Variants in KLKB1 observed in about 807,000 individuals in gnomAD.
KLKB1 encodes kallikrein B1.
A neutral mutation model predicts 73.6 loss-of-function variants in KLKB1; 58 were observed. The ratio of observed to expected loss-of-function variants is 0.79; its 90% confidence interval spans 0.64 to 0.98. The LOEUF (loss-of-function observed/expected upper bound fraction) is 0.98. Among genes scored for constraint, KLKB1 ranks in the 50% least tolerant of loss-of-function variants. The pLI, the probability that KLKB1 is intolerant of heterozygous loss-of-function variation, is 0.00. For missense variants in KLKB1, 737 were observed against 763.8 expected (o/e 0.96, Z 0.41); for synonymous variants, 280 against 258.1 (o/e 1.08, Z -0.81).
chr4:186,236,091 G>A (rs1179043417), intron 4 of KLKB1, among the ~76,000 whole-genome samples: 12 of 85,166 alleles, frequency 1.4e-4, no homozygotes, highest in Non-Finnish European at 2.5e-4. Flanking sequence ...TCCAGCCTGG[G>A]CGACAGAGCG....
At chr4:186,235,245 T>C (rs1286181937) in intron 4 of KLKB1, among the ~76,000 whole-genome samples, 1 of 152,250 alleles carries the variant, frequency 6.6e-6, no homozygotes, top group African/African-American at 2.4e-5. Context: ...TTGTATCTTG[T>C]AGCAAAATTT....
intron 6 of KLKB1, 21 bp downstream of exon 6, chr4:186,238,386 C>CT: frequency 6.6e-7 from 1 of 1,517,686 alleles, no homozygotes; most frequent in Non-Finnish European, 9.2e-7. Context: ...GACTACTTCA[C>CT]TTTGTGATTG....
intron 6 of KLKB1, among the ~76,000 whole-genome samples, chr4:186,247,205 C>T (rs373342384): frequency 1.3e-5 from 2 of 152,216 alleles, no homozygotes; most frequent in Admixed American, 1.3e-4. Context: ...TGATCTGAGT[C>T]ACAGCACCAA....
intron 2 of KLKB1, among the ~76,000 whole-genome samples, chr4:186,215,357 T>C (rs932189366): frequency 7.2e-6 from 1 of 138,890 alleles, no homozygotes; most frequent in Non-Finnish European, 1.5e-5. Flanking sequence ...TCCTTCTTTC[T>C]TTCCTTCCTT....
intron 6 of KLKB1, among the ~76,000 whole-genome samples, chr4:186,242,394 T>A (rs1481032175): frequency 1.3e-5 from 2 of 152,004 alleles, no homozygotes; most frequent in Admixed American, 1.3e-4. Context: ...CGAAAGTTTT[T>A]GGGGGTGGTA....
chr4:186,258,018 C>G lies in KLKB1; in HGVS notation c.1726-3C>G. On this transcript the variant is annotated splice_polypyrimidine_tract_variant and splice_region_variant and intron_variant, in intron 14 of 14. Transcript: ENST00000264690. ...ACTATTTTATTTTTCCACTGTGACT[C>G]AGGGAGATTCAGGTGGTCCCTTAGT... 1.2e-6 allele frequency: 2 copies of G among 1,613,646 alleles called. No individual in the cohort carries two copies. The highest frequency in any genetic ancestry group is 1.7e-6 in the Non-Finnish European group (2 of 1,179,572).
chr4:186,257,914 G>C (rs567444435), intron 14 of KLKB1, 107 bp from the exon 15 acceptor site: 119 of 858,212 alleles, frequency 1.4e-4, no homozygotes, highest in Non-Finnish European at 1.9e-4. Context: ...GAAAGTATCT[G>C]TGTGTGTGTG....
chr4:186,233,982 A>G lies in KLKB1; in HGVS notation c.252A>G (p.Thr84=). ...GTTGCTTCTTGAAAGATAGTGTTAC[A>G]GGAACCCTGCCAAAAGTACATCGAA... ...RFGCFLKDSV[T]GTLPKVHRTG... Residue 84 remains threonine, a synonymous_variant, in exon 4 of 15, where the codon ACA becomes ACG. Coordinates refer to ENST00000264690, the MANE Select transcript of KLKB1 (RefSeq NM_000892.5). The G allele has an allele frequency of 6.2e-7, 1 of 1,614,034 alleles. No homozygotes were observed. Among genetic ancestry groups the G allele is most frequent in the Non-Finnish European group, 8.5e-7 (1 of 1,179,900 alleles).
chr4:186,222,035 A>T (rs1344364829), upstream of KLKB1, among the ~76,000 whole-genome samples: 1 of 152,204 alleles, frequency 6.6e-6, no homozygotes, highest in Non-Finnish European at 1.5e-5. Context: ...CTCTTGTGAC[A>T]GTATTTGACT....
intron 5 of KLKB1, 81 bp downstream of exon 5, chr4:186,237,021 C>A: frequency 6.8e-7 from 1 of 1,461,752 alleles, no homozygotes; most frequent in South Asian, 1.2e-5. Flanking sequence ...CTTTTGTTCC[C>A]AAACTAAAAA....
intron 2 of KLKB1, among the ~76,000 whole-genome samples, chr4:186,217,683 A>C (rs949650193): frequency 1.6e-4 from 24 of 152,188 alleles, no homozygotes; most frequent in African/African-American, 5.3e-4. Context: ...AAGGAGAATC[A>C]GTTGTTTTGT....
At chr4:186,244,911 C>T (rs1738248666) in intron 6 of KLKB1, among the ~76,000 whole-genome samples, 1 of 151,898 alleles carries the variant, frequency 6.6e-6, no homozygotes, top group African/African-American at 2.4e-5. Context: ...GTAAGGGGTG[C>T]ACGATAGGTT....
rs564937496 is a variant in KLKB1, at chr4:186,245,811, T to G, written c.599-4432T>G. Among the ~76,000 whole-genome samples, 239 of 114,062 alleles carry G rather than the reference T, an allele frequency of 2.1e-3. 5 individuals carry two copies. Among genetic ancestry groups the G allele is most frequent in the African/African-American group, 7.1e-3 (230 of 32,514 alleles). 74.8% of individuals were successfully genotyped at this position (114,062 alleles called of 152,430 possible). Reference sequence around the variant, plus strand: ...GAATCTAATTTTTGGAGTTTTTTTTTGTTTGTTTTTTGGTTTTTTTTTTTT... The same window carrying G: ...GAATCTAATTTTTGGAGTTTTTTTTGGTTTGTTTTTTGGTTTTTTTTTTTT... On this transcript the variant is annotated intron_variant, in intron 6 of 14. Transcript: ENST00000264690.
Position 186,236,907 on chromosome 4 carries a change from AT to A in KLKB1, c.456del (p.Tyr152Ter), listed in dbSNP as rs772598982. On this transcript the variant is annotated frameshift_variant, in exon 5 of 15. Transcript: ENST00000264690. LOFTEE classifies it high-confidence loss of function. ...AACATTCGCTGCCAGTTTTTTTCAT[AT>A]GCCACGCAAACATTTCACAAGGCAG... Reference protein sequence around the residue: ...TSNIRCQFFSYATQTFHKAEY... With the variant: ...TSNIRCQFFSXATQTFHKAEY... 6 of 1,614,126 alleles carry A rather than the reference AT, an allele frequency of 3.7e-6. 1 individual carries two copies. The South Asian group carries it at 5.5e-5, about 15-fold the overall frequency.
At chr4:186,229,647 C>T (rs774306538) in intron 2 of KLKB1, among the ~76,000 whole-genome samples, 1 of 152,158 alleles carries the variant, frequency 6.6e-6, no homozygotes, top group Non-Finnish European at 1.5e-5. Flanking sequence ...AGAAAGTTTA[C>T]TCCATAGTTG....
intron 11 of KLKB1, among the ~76,000 whole-genome samples, chr4:186,254,023 A>G (rs4253313): frequency 0.68 from 103,654 of 151,910 alleles, 35,605 homozygotes; most frequent in East Asian, 0.86. Flanking sequence ...AGTAGAGACG[A>G]GGTTTCATCA....
chr4:186,217,744 G>A (rs1736939151), intron 2 of KLKB1, among the ~76,000 whole-genome samples: 1 of 152,124 alleles, frequency 6.6e-6, no homozygotes, highest in African/African-American at 2.4e-5. Flanking sequence ...TTGCAAGGAG[G>A]TGTATTTCAG....
chr4:186,256,266 GA>G (rs1310558133), intron 13 of KLKB1, among the ~76,000 whole-genome samples, 179 bp downstream of exon 13: 5 of 151,856 alleles, frequency 3.3e-5, no homozygotes, highest in South Asian at 2.1e-4. Flanking sequence ...GCTTTGGCTT[GA>G]AAAAAAATTT....
At chr4:186,217,178 C>T (rs117968831) in intron 2 of KLKB1, among the ~76,000 whole-genome samples, 1 of 152,226 alleles carries the variant, frequency 6.6e-6, no homozygotes, top group East Asian at 1.9e-4. Flanking sequence ...TCCAACTAAA[C>T]CTAGAAGCAT....
Sources: gnomAD v4.1 joint callset for allele counts (sites outside exome capture counted in the v4.1 genomes callset) on GRCh38, gnomAD v4.1.1 for gene constraint, MANE v1.5 for transcripts, NCBI Gene and HGNC (gene_info 2026-07-23, HGNC 2026-07-21) for gene names.